The following USP30 variants were observed in gnomAD, a reference collection of about 807,000 sequenced individuals.
USP30 encodes ubiquitin specific peptidase 30.
Under a neutral mutation model 68.2 loss-of-function variants are expected in USP30, and 41 were observed. The observed-to-expected ratio is 0.60, with a 90% CI of 0.47 to 0.78. The LOEUF is 0.78. Among genes scored for constraint, USP30 ranks in the 30% least tolerant of loss-of-function variants. The pLI is 0.00. For synonymous variants in USP30, 229 were observed against 253.7 expected (o/e 0.90, Z 0.93); for missense variants, 522 against 649.4 (o/e 0.80, Z 2.13).
intron 3 of USP30, among the ~76,000 whole-genome samples, chr12:109,030,031 G>A (rs1309161114): frequency 6.6e-6 from 1 of 152,134 alleles, no homozygotes; most frequent in East Asian, 1.9e-4. Flanking sequence ...AATACGTGTT[G>A]AACTATATTT....
chr12:109,050,178 C>T (rs893810030), upstream of USP30, among the ~76,000 whole-genome samples: 4 of 151,868 alleles, frequency 2.6e-5, no homozygotes, highest in Non-Finnish European at 5.9e-5. Context: ...CCTGTAGTCC[C>T]AGCTACTCGG....
At chr12:109,075,858 T>C (rs1229371391) in intron 7 of USP30, among the ~76,000 whole-genome samples, 5 of 124,286 alleles carry the variant, frequency 4.0e-5, no homozygotes, top group Admixed American at 3.4e-4. Flanking sequence ...TTTTTTTTTT[T>C]GCTGTTGGTC....
upstream of USP30, among the ~76,000 whole-genome samples, chr12:109,049,637 G>A (rs143694877): frequency 1.2e-3 from 178 of 151,570 alleles, no homozygotes; most frequent in African/African-American, 4.1e-3. Flanking sequence ...CAACACAGTG[G>A]AACCCCATCT....
At chr12:109,026,171 G>A (rs566845801) in intron 2 of USP30, among the ~76,000 whole-genome samples, 18 of 152,024 alleles carry the variant, frequency 1.2e-4, no homozygotes, top group Middle Eastern at 3.4e-3. Flanking sequence ...CACTTCCCAG[G>A]CTCAAATCAT....
At chr12:109,084,068 A>G (rs1352387317) in intron 11 of USP30, among the ~76,000 whole-genome samples, 5 of 152,168 alleles carry the variant, frequency 3.3e-5, no homozygotes, top group Non-Finnish European at 7.3e-5. Context: ...GTGGTTAAAG[A>G]TGCCAGCAGT....
rs1445418420 is a variant in USP30, at chr12:109,043,548, T to C, written c.-135-4042T>C. On this transcript the variant is annotated intron_variant, in intron 3 of 15. Coordinates refer to the USP30 transcript ENST00000392784. ...ATGTGCAAAAGAATGAAGTTGCCCC[T>C]TACCTAACAACACATACAAAAGTTA... 2.0e-5 allele frequency among the ~76,000 whole-genome samples: 3 copies of C among 152,166 alleles called. No individual in the cohort carries two copies. The East Asian group carries it at 5.8e-4, about 29-fold the overall frequency.
rs184074865 is a variant in USP30 at position 109,070,265 on chromosome 12, G to A, written c.481-1347G>A. On this transcript the variant is annotated intron_variant, in intron 4 of 12. Coordinates refer to ENST00000257548, the MANE Select transcript of USP30 (RefSeq NM_032663.5). This position sits in a 1 kb window ranked among gnomAD's most constrained non-coding sequence, Gnocchi z 4.0. ...CTGAGAGTCCTCAGGAATTTAGGGC[G>A]TATTTTGGAGGAGGGTCCTTTTTTC... 5.1e-4 allele frequency among the ~76,000 whole-genome samples: 77 copies of A among 152,262 alleles called. No individual in the cohort carries two copies. In the Middle Eastern group the frequency reaches 0.017, roughly 34 times the overall value.
intron 3 of USP30, among the ~76,000 whole-genome samples, chr12:109,028,773 G>A (rs761052062): frequency 7.2e-5 from 11 of 152,014 alleles, no homozygotes; most frequent in Admixed American, 5.2e-4. Context: ...CACCACACCC[G>A]ACTACCACAC....
intron 3 of USP30, among the ~76,000 whole-genome samples, chr12:109,060,564 C>A (rs552970975): frequency 2.6e-5 from 4 of 152,252 alleles, no homozygotes; most frequent in South Asian, 4.1e-4. Flanking sequence ...AACTCGCTGC[C>A]AGCGTTCATC....
intron 5 of USP30, 25 bp from the exon 6 acceptor site, chr12:109,072,280 T>TG (rs1555260978): frequency 1.9e-6 from 3 of 1,589,430 alleles, no homozygotes; most frequent in African/African-American, 2.7e-5. Flanking sequence ...GTTTTCAGTC[T>TG]GTTTTTTTTT....
chr12:109,045,261 G>A (rs1184647135), intron 3 of USP30, among the ~76,000 whole-genome samples: 1 of 152,220 alleles, frequency 6.6e-6, no homozygotes, highest in Non-Finnish European at 1.5e-5. Context: ...TTACAGGCGT[G>A]AGCCACTGCG....
At chr12:109,081,891 T>C in intron 8 of USP30, 42 bp from the exon 9 acceptor site, 1 of 1,579,734 alleles carries the variant, frequency 6.3e-7, no homozygotes, top group South Asian at 1.1e-5. Context: ...TCAGTATAGC[T>C]GTCCTTTGAA....
intron 3 of USP30, among the ~76,000 whole-genome samples, chr12:109,061,137 A>C (rs2041051494): frequency 6.6e-6 from 1 of 152,172 alleles, no homozygotes; most frequent in Non-Finnish European, 1.5e-5. Flanking sequence ...CTAATGTAAC[A>C]GAAATGTATA....
intron 3 of USP30, among the ~76,000 whole-genome samples, chr12:109,062,479 C>T (rs961839966): frequency 5.9e-5 from 9 of 151,892 alleles, no homozygotes; most frequent in East Asian, 3.9e-4. Flanking sequence ...GGATTATAGG[C>T]GCCATGCCTG....
At chr12:109,067,448 T>C in intron 3 of USP30, 76 bp from the exon 4 acceptor site, 4 of 1,312,836 alleles carry the variant, frequency 3.0e-6, no homozygotes, top group Admixed American at 3.4e-5. Context: ...AACTTTGATA[T>C]GTTATACTGT....
At chr12:109,036,401 A>C (rs2040520877) in intron 3 of USP30, among the ~76,000 whole-genome samples, 1 of 151,730 alleles carries the variant, frequency 6.6e-6, no homozygotes, top group African/African-American at 2.4e-5. Flanking sequence ...CCCAGGTTCA[A>C]GAGATTCTCC....
In USP30 at chr12:109,071,727, T is replaced by G; in HGVS notation, c.579+17T>G. On this transcript the variant is annotated intron_variant, in intron 5 of 12. Coordinates refer to ENST00000257548, the MANE Select transcript of USP30 (RefSeq NM_032663.5). ...TCCCTGGAGGTAAACCATTAATATT[T>G]CCAACACGTTCTGTGCAGCTTGTGC... is the stretch of plus-strand genomic sequence containing the variant. 1 of 1,605,770 alleles carries G rather than the reference T, an allele frequency of 6.2e-7. No individual in the cohort carries two copies. The highest frequency in any genetic ancestry group is 8.5e-7 in the Non-Finnish European group (1 of 1,172,616).
At chr12:109,037,479 CAT>C (rs1419933454) in intron 3 of USP30, among the ~76,000 whole-genome samples, 4 of 152,240 alleles carry the variant, frequency 2.6e-5, no homozygotes, top group East Asian at 1.9e-4. Context: ...TGTTTCTTCA[CAT>C]GTGTCATTAT....
chr12:109,035,867 A>G lies in USP30; in HGVS notation c.-136+8311A>G, dbSNP rs376550265. Among the ~76,000 whole-genome samples the G allele has an allele frequency of 2.5e-3, 383 of 152,328 alleles. 23 individuals are homozygous for G. In the South Asian group the frequency reaches 0.077, roughly 31 times the overall value. On this transcript the variant is annotated intron_variant, in intron 3 of 15. Transcript: ENST00000392784. Reference sequence around the variant, plus strand: ...AATCAGATACACAAAAAAATTATATACAAAAAATACATGGGCCAGGCACAA... The same window carrying G: ...AATCAGATACACAAAAAAATTATATGCAAAAAATACATGGGCCAGGCACAA...
Sources: gnomAD v4.1 joint callset for allele counts (sites outside exome capture counted in the v4.1 genomes callset) on GRCh38, gnomAD v4.1.1 for gene constraint, Gnocchi (gnomAD v3.1) non-coding constraint, MANE v1.5 for transcripts, NCBI Gene and HGNC (gene_info 2026-07-23, HGNC 2026-07-21) for gene names.